The following TYW1B variants were observed in gnomAD, a reference collection of about 807,000 sequenced individuals.
The protein encoded by TYW1B is tRNA-yW synthesizing protein 1 homolog B.
Under a neutral mutation model 86.9 loss-of-function variants are expected in TYW1B, and 73 were observed. The observed-to-expected ratio is 0.84, with a 90% CI of 0.70 to 1.02. The LOEUF is 1.02. Ranked by LOEUF, TYW1B falls within the 50% of genes least tolerant of loss-of-function variation. The pLI, the probability that TYW1B is intolerant of heterozygous loss-of-function variation, is 0.00. For missense variants in TYW1B, 637 were observed against 827.4 expected, an observed-to-expected ratio of 0.77 and a Z score of 2.82; for synonymous variants, 248 against 292.8, an observed-to-expected ratio of 0.85 and a Z score of 1.56.
At chr7:72,737,835 C>T (rs1476041113) in intron 8 of TYW1B, among the ~76,000 whole-genome samples, 3 of 145,186 alleles carry the variant, frequency 2.1e-5, no homozygotes, top group African/African-American at 7.7e-5. Flanking sequence ...AGTGCAGTGG[C>T]GTGATCTCGG....
At chr7:72,802,140 G>A (rs574777897) in intron 6 of TYW1B, among the ~76,000 whole-genome samples, 8 of 151,760 alleles carry the variant, frequency 5.3e-5, no homozygotes, top group African/African-American at 1.9e-4. Context: ...CAAAAGATTG[G>A]ACACCCCCGA....
chr7:72,618,124 A>AT (rs1313239024), intron 12 of TYW1B, among the ~76,000 whole-genome samples: 1 of 151,978 alleles, frequency 6.6e-6, no homozygotes, highest in Non-Finnish European at 1.5e-5. Context: ...TGCACCTCTC[A>AT]TACACATTCA....
intron 2 of TYW1B, among the ~76,000 whole-genome samples, chr7:72,826,028 T>C (rs1343734100): frequency 1.3e-5 from 2 of 152,220 alleles, no homozygotes; most frequent in Admixed American, 1.3e-4. Flanking sequence ...ACTGCTAAAG[T>C]TCACTGCTAA....
rs781800095 is a variant in TYW1B at position 72,713,676 on chromosome 7, G to A, written c.1315C>T (p.Gln439Ter). Reference protein sequence around the residue: ...EINRFLKLLHQCKISSFLVTN... With the variant: ...EINRFLKLLH ...ACCAGGAAGCTGGAGATTTTACACTGGTGGAGTAGCTTCAAAAACCTGTTG... is the reference window on the plus strand; with the variant it reads ...ACCAGGAAGCTGGAGATTTTACACTAGTGGAGTAGCTTCAAAAACCTGTTG... The change falls in exon 10 of 14, where the codon CAG becomes TAG. Residue 439 changes from glutamine to a stop codon, truncating the protein, a stop_gained. Coordinates refer to ENST00000620995, the MANE Select transcript of TYW1B (RefSeq NM_001145440.3). LOFTEE classifies it high-confidence loss of function. 3.1e-6 allele frequency: 5 copies of A among 1,614,012 alleles called. No homozygotes were observed. The Admixed American group carries it at 8.3e-5, about 27-fold the overall frequency.
chr7:72,653,610 A>AAATAATAATAAT (rs61287709), intron 11 of TYW1B, among the ~76,000 whole-genome samples: 1,962 of 150,544 alleles, frequency 0.013, 39 homozygotes, highest in African/African-American at 0.037. Context: ...CCGTCTCAAA[A>AAATAATAATAAT]AATAATAATA....
chr7:72,782,481 T>A (rs1175746682), intron 6 of TYW1B, among the ~76,000 whole-genome samples: 103,843 of 151,466 alleles, frequency 0.69, 36,503 homozygotes, highest in Non-Finnish European at 0.77. Context: ...ACAAACAAGC[T>A]TTTTCTTACC....
In TYW1B at chr7:72,806,935, G is replaced by A. The variant is rs558858460; in HGVS notation, c.723+131C>T. Reference sequence around the variant, plus strand: ...CCCAAAGTGTGGGGATTACAAGTGCGAGCCACTGCACTCAGCCAGATCTTC... The same window carrying A: ...CCCAAAGTGTGGGGATTACAAGTGCAAGCCACTGCACTCAGCCAGATCTTC... On this transcript the variant is annotated intron_variant, in intron 5 of 13. Coordinates refer to ENST00000620995, the MANE Select transcript of TYW1B (RefSeq NM_001145440.3). 2.8e-4 allele frequency: 370 copies of A among 1,303,076 alleles called. No homozygotes were observed. The African/African-American group carries it at 4.6e-3, about 16-fold the overall frequency. The allele number at this position is 1,303,076 out of a possible 1,614,324, so 80.7% of individuals were successfully genotyped here.
At chr7:72,731,932 T>C (rs192041895) in intron 8 of TYW1B, among the ~76,000 whole-genome samples, 28 of 152,056 alleles carry the variant, frequency 1.8e-4, no homozygotes, top group Admixed American at 5.9e-4. Flanking sequence ...AGAGCAGGAC[T>C]CCATCTCAAA....
intron 13 of TYW1B, among the ~76,000 whole-genome samples, chr7:72,610,680 T>C (rs1288052128): frequency 2.0e-5 from 3 of 152,234 alleles, no homozygotes; most frequent in Admixed American, 1.3e-4. Context: ...TCTCACTCTG[T>C]TGTCCAGGCT....
At chr7:72,620,650 T>G (rs1812192528) in intron 12 of TYW1B, among the ~76,000 whole-genome samples, 1 of 152,160 alleles carries the variant, frequency 6.6e-6, no homozygotes, top group African/African-American at 2.4e-5. Flanking sequence ...AGTCTACTGA[T>G]GGCTTGCCCT....
In TYW1B at chr7:72,810,624, G is replaced by A; in HGVS notation, c.279C>T (p.Tyr93=). The change falls in exon 4 of 14, where the codon TAC becomes TAT. Residue 93 remains tyrosine, a synonymous_variant. Coordinates refer to ENST00000620995, the MANE Select transcript of TYW1B (RefSeq NM_001145440.3). ...KNVCVFLVAT[Y]TDGLPTESAE... is the part of the protein sequence containing the mutation. The stretch of plus-strand genomic sequence containing the variant: ...CACTTTCGGTTGGTAGGCCGTCAGT[G>A]TATGTCGCAACCAGGAAGACACAGA... 6.2e-7 allele frequency: 1 copy of A among 1,613,598 alleles called. No homozygotes were observed.
chr7:72,791,775 TAAAC>T (rs1423386899), intron 6 of TYW1B, among the ~76,000 whole-genome samples: 56 of 151,802 alleles, frequency 3.7e-4, no homozygotes, highest in African/African-American at 2.4e-4. Context: ...GACTCCGTCT[TAAAC>T]AAACAAACAA....
intron 6 of TYW1B, among the ~76,000 whole-genome samples, chr7:72,801,921 C>T (rs576953562): frequency 6.6e-6 from 1 of 152,272 alleles, no homozygotes; most frequent in Non-Finnish European, 1.5e-5. Context: ...TGCTGTTCAT[C>T]TTCAAATAGC....
Position 72,663,385 on chromosome 7 carries a change from C to T in TYW1B, c.1506+31302G>A, listed in dbSNP as rs572807579. Among the ~76,000 whole-genome samples, 74 of 152,096 alleles carry T rather than the reference C, an allele frequency of 4.9e-4. 1 individual carries two copies. In the South Asian group the frequency reaches 8.5e-3, roughly 17 times the overall value. On this transcript the variant is annotated intron_variant, in intron 11 of 13. Transcript: ENST00000620995. ...TTTTAAAATGTCAGTTCAAACCACC[C>T]GGGTGCTCTTGGAGTGCCCCCTCCC...
intron 7 of TYW1B, among the ~76,000 whole-genome samples, chr7:72,771,843 G>A (rs1554469686): frequency 6.6e-6 from 1 of 150,456 alleles, no homozygotes; most frequent in African/African-American, 2.4e-5. Context: ...AATACATAAA[G>A]AAATGATTTT....
chr7:72,597,402 C>G (rs755606212), intron 13 of TYW1B, among the ~76,000 whole-genome samples: 29 of 152,086 alleles, frequency 1.9e-4, no homozygotes, highest in Non-Finnish European at 7.4e-5. Flanking sequence ...GCAACGTAAT[C>G]AACTCAAGAT....
chr7:72,636,125 G>T (rs1554440720), intron 11 of TYW1B, among the ~76,000 whole-genome samples: 1 of 152,112 alleles, frequency 6.6e-6, no homozygotes, highest in African/African-American at 2.4e-5. Context: ...ATATTTTATA[G>T]TTTTCAATAT....
chr7:72,793,919 C>G (rs1489089721), intron 6 of TYW1B, among the ~76,000 whole-genome samples: 1 of 152,140 alleles, frequency 6.6e-6, no homozygotes, highest in African/African-American at 2.4e-5. Context: ...AGCTGTCAGC[C>G]TCTTACCTCT....
intron 11 of TYW1B, among the ~76,000 whole-genome samples, chr7:72,675,192 A>G (rs1240688559): frequency 9.2e-5 from 14 of 152,104 alleles, no homozygotes; most frequent in East Asian, 5.8e-4. Context: ...TGAGATCAGG[A>G]GTTTGAGACC....
Sources: allele counts gnomAD v4.1 joint callset (sites outside exome capture counted in the v4.1 genomes callset), GRCh38; gene constraint gnomAD v4.1.1; transcripts MANE v1.5; gene names NCBI Gene and HGNC (gene_info 2026-07-23, HGNC 2026-07-21).